DUSP14: variants seen among roughly 807,000 people sequenced by gnomAD.
DUSP14 encodes the protein dual specificity phosphatase 14.
In DUSP14, 5 loss-of-function variants were observed where a neutral mutation model predicts 13.2. The observed-to-expected ratio is 0.38, with a 90% CI of 0.20 to 0.80. The LOEUF (loss-of-function observed/expected upper bound fraction) is 0.80, where lower values mean the gene tolerates loss of function less well. Ranked by LOEUF, DUSP14 falls within the 30% of genes least tolerant of loss-of-function variation. DUSP14 has a pLI of 0.44. For synonymous variants in DUSP14, 91 were observed against 103.4 expected (o/e 0.88, Z 0.73); for missense variants, 185 against 264.0 (o/e 0.70, Z 2.07).
At chr17:37,500,484 A>G (rs1021770669) in intron 1 of DUSP14, among the ~76,000 whole-genome samples, 6 of 152,126 alleles carry the variant, frequency 3.9e-5, no homozygotes, top group African/African-American at 1.4e-4. Flanking sequence ...AAAGACCTGC[A>G]TTTTCTGAGA....
At chr17:37,511,938 C>CTCTTTTT (rs2054191467) in intron 2 of DUSP14, among the ~76,000 whole-genome samples, 1 of 38,254 alleles carries the variant, frequency 2.6e-5, no homozygotes, top group Non-Finnish European at 4.6e-5. Flanking sequence ...CCCCACCCCA[C>CTCTTTTT]TTTTTTTTTT....
intron 1 of DUSP14, among the ~76,000 whole-genome samples, chr17:37,499,058 AT>A (rs1011119407): frequency 1.1e-4 from 17 of 152,332 alleles, no homozygotes; most frequent in Middle Eastern, 3.4e-3. Flanking sequence ...AGACTGGGTA[AT>A]TTATAAAGGA....
At chr17:37,511,585 C>CTTCTTTTTTTTTTTTTTT (rs2054185885) in intron 2 of DUSP14, among the ~76,000 whole-genome samples, 1 of 87,312 alleles carries the variant, frequency 1.1e-5, no homozygotes, top group African/African-American at 5.2e-5. Context: ...CTGGCCTTTC[C>CTTCTTTTTTTTTTTTTTT]TTTTTTTTTT....
chr17:37,507,949 G>A lies in DUSP14; in HGVS notation c.-180-2728G>A, dbSNP rs190236678. Among the ~76,000 whole-genome samples the A allele has an allele frequency of 9.2e-5, 14 of 152,360 alleles. No individual in the cohort carries two copies. In the East Asian group the frequency reaches 2.7e-3, roughly 29 times the overall value. ...GGAGACCCTGCTCTGCTGTAGGAAA[G>A]GATGTTCTCAGAGTTTCTGCCCTGT... On this transcript the variant is annotated intron_variant, in intron 1 of 2. Transcript: ENST00000617516.
intron 1 of DUSP14, among the ~76,000 whole-genome samples, chr17:37,490,789 G>C (rs563770337): frequency 6.6e-6 from 1 of 152,054 alleles, no homozygotes; most frequent in African/African-American, 2.4e-5. Context: ...GTTCATTATC[G>C]TTTTATAAGA....
intron 1 of DUSP14, among the ~76,000 whole-genome samples, chr17:37,506,637 T>C (rs114484684): frequency 4.7e-4 from 71 of 152,236 alleles, no homozygotes; most frequent in African/African-American, 1.5e-3. Context: ...ATTTACTGAG[T>C]AGATTTTCAT....
chr17:37,495,880 G>T (rs1444976294), intron 1 of DUSP14, among the ~76,000 whole-genome samples: 1 of 151,868 alleles, frequency 6.6e-6, no homozygotes, highest in African/African-American at 2.4e-5. Flanking sequence ...GGCTGGTCTC[G>T]ATCTCATGAC....
At chr17:37,508,734 AAT>A (rs35158443) in intron 1 of DUSP14, among the ~76,000 whole-genome samples, 546 of 144,046 alleles carry the variant, frequency 3.8e-3, no homozygotes, top group African/African-American at 9.8e-3. Context: ...ACTCCATCTC[AAT>A]ATATATATAT....
rs576950876 is a variant in DUSP14 at position 37,494,687 on chromosome 17, A to C, written c.-181+4729A>C. ...TCACCTGAGGGCAGCCGTTAAATTC[A>C]GGTGTTCATTGAGTACTTACCATGT... On this transcript the variant is annotated intron_variant, in intron 1 of 2. Coordinates refer to ENST00000617516, the MANE Select transcript of DUSP14 (RefSeq NM_007026.4). 8.5e-5 allele frequency among the ~76,000 whole-genome samples: 13 copies of C among 152,318 alleles called. No homozygotes were observed. The South Asian group carries it at 2.5e-3, about 29-fold the overall frequency.
chr17:37,507,729 G>T (rs193239293), intron 1 of DUSP14, among the ~76,000 whole-genome samples: 3 of 152,184 alleles, frequency 2.0e-5, no homozygotes, highest in African/African-American at 7.2e-5. Context: ...GTAAGCCACC[G>T]TGTCTATGGC....
intron 1 of DUSP14, among the ~76,000 whole-genome samples, chr17:37,493,091 A>T (rs567698606): frequency 1.3e-5 from 2 of 152,184 alleles, no homozygotes; most frequent in South Asian, 4.1e-4. Flanking sequence ...TGCTATTTTA[A>T]AAGATTTATC....
intron 1 of DUSP14, among the ~76,000 whole-genome samples, chr17:37,501,140 G>A (rs1380220388): frequency 6.6e-6 from 1 of 152,198 alleles, no homozygotes; most frequent in East Asian, 1.9e-4. Context: ...AACTGCAACA[G>A]CAGAATGATA....
chr17:37,511,585 C>CCTTTTTTTTTTTTTTTTT (rs1207586646), intron 2 of DUSP14, among the ~76,000 whole-genome samples: 1 of 87,312 alleles, frequency 1.1e-5, no homozygotes, highest in African/African-American at 5.2e-5. Flanking sequence ...CTGGCCTTTC[C>CCTTTTTTTTTTTTTTTTT]TTTTTTTTTT....
At chr17:37,495,646 G>A (rs560443445) in intron 1 of DUSP14, among the ~76,000 whole-genome samples, 4 of 134,768 alleles carry the variant, frequency 3.0e-5, no homozygotes, top group Non-Finnish European at 3.2e-5. Context: ...CTTGCTTTAA[G>A]TTTTGTTTTT....
In DUSP14 at chr17:37,513,321, T is replaced by G. The variant is rs2143144871; in HGVS notation, c.*452T>G. On this transcript the variant is annotated 3_prime_UTR_variant, in exon 3 of 3. Transcript: ENST00000617516. ...ATAACCAGCTTCAGTCTCTACTGGA[T>G]TAGCCCTACTCTTTCCTTTCCCCTC... The G allele has an allele frequency of 5.6e-6, 1 of 177,906 alleles. No homozygotes were observed. The highest frequency in any genetic ancestry group is 6.3e-5 in the Admixed American group (1 of 15,940). The allele number at this position is 177,906 out of a possible 1,614,324, so 11.0% of individuals were successfully genotyped here. A position where few individuals can be genotyped will look rare whatever the true frequency, so the allele number is the denominator to read the frequency against.
chr17:37,512,188 ACT>A lies in DUSP14; in HGVS notation c.-82_-81del, dbSNP rs1226285597. ...CATACCTGTATTTTGCAGGAAGGAG[ACT>A]CTAATTTTGGATTCCTTGGTGGAGG... On this transcript the variant is annotated 5_prime_UTR_variant, in exon 3 of 3. Coordinates refer to ENST00000617516, the MANE Select transcript of DUSP14 (RefSeq NM_007026.4). This position sits in a 1 kb window ranked among gnomAD's most constrained non-coding sequence, Gnocchi z 4.8. The A allele has an allele frequency of 4.5e-6, 5 of 1,106,708 alleles. No homozygotes were observed. In the Admixed American group the frequency reaches 6.8e-5, roughly 15 times the overall value. The allele number at this position is 1,106,708 out of a possible 1,614,324, so 68.6% of individuals were successfully genotyped here.
At chr17:37,490,638 C>T (rs1180124209) in intron 1 of DUSP14, among the ~76,000 whole-genome samples, 1 of 151,992 alleles carries the variant, frequency 6.6e-6, no homozygotes, top group African/African-American at 2.4e-5. Context: ...GTTATGGTAA[C>T]TGGGCATCCC....
At chr17:37,510,839 G>A (rs185787834) in intron 2 of DUSP14, 75 bp downstream of exon 2, 39 of 152,064 alleles carry the variant, frequency 2.6e-4, no homozygotes, top group African/African-American at 8.7e-4. Context: ...CAGGCTTCCC[G>A]ACGATCCCCT....
At chr17:37,490,598 A>G (rs1349922002) in intron 1 of DUSP14, among the ~76,000 whole-genome samples, 1 of 152,140 alleles carries the variant, frequency 6.6e-6, no homozygotes. Context: ...TATTTTATTT[A>G]GGTGGATGTT....
Sources: gnomAD v4.1 joint callset for allele counts (sites outside exome capture counted in the v4.1 genomes callset) on GRCh38, gnomAD v4.1.1 for gene constraint, Gnocchi (gnomAD v3.1) non-coding constraint, MANE v1.5 for transcripts, NCBI Gene and HGNC (gene_info 2026-07-23, HGNC 2026-07-21) for gene names.